The following FOXK1 variants were observed in gnomAD, a reference collection of about 807,000 sequenced individuals.
FOXK1 encodes forkhead box K1, also known as forkhead box protein K1.
A neutral mutation model predicts 51.9 loss-of-function variants in FOXK1; 19 were observed. That is an observed-to-expected ratio of 0.37 (90% CI 0.26 to 0.54). The LOEUF (loss-of-function observed/expected upper bound fraction) is 0.54, where lower values mean the gene tolerates loss of function less well. Ranked by LOEUF, FOXK1 falls within the 20% of genes least tolerant of loss-of-function variation. FOXK1 has a pLI of 0.87. For synonymous variants in FOXK1, 537 were observed against 482.6 expected, an observed-to-expected ratio of 1.11 and a Z score of -1.48; for missense variants, 870 against 1,032.7, an observed-to-expected ratio of 0.84 and a Z score of 2.16.
At position 4,711,047 on chromosome 7, in the gene FOXK1, C is replaced by T. The variant is rs912182518; in HGVS notation, c.560+28179C>T. On this transcript the variant is annotated intron_variant, in intron 1 of 8. Transcript: ENST00000328914. This position sits in a 1 kb window ranked among gnomAD's most constrained non-coding sequence, Gnocchi z 6.3. ...TGCAGAGCAGCCTGGCTTTAGAGAA[C>T]GCTTAGAGAAGATGGAGATGGATGG... Among the ~76,000 whole-genome samples the T allele has an allele frequency of 1.1e-4, 16 of 148,972 alleles. No homozygotes were observed. Among genetic ancestry groups the T allele is most frequent in the African/African-American group, 3.4e-4 (13 of 38,420 alleles).
At chr7:4,713,154 A>G (rs1360260030) in intron 1 of FOXK1, among the ~76,000 whole-genome samples, 2 of 152,198 alleles carry the variant, frequency 1.3e-5, no homozygotes, top group Non-Finnish European at 2.9e-5. Context: ...TTAATTTGCT[A>G]GTTACTTACA....
Position 4,703,666 on chromosome 7 carries a change from A to T in FOXK1, c.560+20798A>T, listed in dbSNP as rs977021872. On this transcript the variant is annotated intron_variant, in intron 1 of 8. Transcript: ENST00000328914. This position sits in a 1 kb window ranked among gnomAD's most constrained non-coding sequence, Gnocchi z 5.6. ...ATATTAAAACCAAATGATCCCGGGTAGAGCTGCAGCTGGGGACTGGTGCGC... is the reference window on the plus strand; with the variant it reads ...ATATTAAAACCAAATGATCCCGGGTTGAGCTGCAGCTGGGGACTGGTGCGC... 6.6e-6 allele frequency among the ~76,000 whole-genome samples: 1 copy of T among 152,224 alleles called. No individual in the cohort carries two copies. Among genetic ancestry groups the T allele is most frequent in the Non-Finnish European group, 1.5e-5 (1 of 68,044 alleles).
Position 4,753,570 on chromosome 7 carries a change from G to A in FOXK1, c.747-889G>A, listed in dbSNP as rs139372886. 2.8e-4 allele frequency among the ~76,000 whole-genome samples: 42 copies of A among 152,330 alleles called. No homozygotes were observed. The highest frequency in any genetic ancestry group is 8.9e-4 in the African/African-American group (37 of 41,578). On this transcript the variant is annotated intron_variant, in intron 2 of 8. Transcript: ENST00000328914. The surrounding 1 kb of genome is among the most constrained non-coding windows in gnomAD (Gnocchi z 4.9). ...TCAGGACGGGGCTAGGTGGGTGCCCGTGAGCTCAGGACAGTGGGATCTCTT... is the reference window on the plus strand; with the variant it reads ...TCAGGACGGGGCTAGGTGGGTGCCCATGAGCTCAGGACAGTGGGATCTCTT...
In FOXK1 at chr7:4,703,694, T is replaced by C. The variant is rs1780048078; in HGVS notation, c.560+20826T>C. Among the ~76,000 whole-genome samples the C allele has an allele frequency of 6.6e-6, 1 of 152,196 alleles. No homozygotes were observed. The highest frequency in any genetic ancestry group is 1.5e-5 in the Non-Finnish European group (1 of 68,026). Reference sequence around the variant, plus strand: ...GCTGCAGCTGGGGACTGGTGCGCCATGCAATTGACATAGCGCTGCTCGGGC... The same window carrying C: ...GCTGCAGCTGGGGACTGGTGCGCCACGCAATTGACATAGCGCTGCTCGGGC... On this transcript the variant is annotated intron_variant, in intron 1 of 8. Transcript: ENST00000328914. The surrounding 1 kb of genome is among the most constrained non-coding windows in gnomAD (Gnocchi z 5.6).
In FOXK1 at chr7:4,768,790, C is replaced by G. The variant is rs934377526; in HGVS notation, c.*6326C>G. ...GAGGATTCGTCTCTGACTGATGAACCTCGCCGTGCCTGTCTGTCACATCCA... is the reference window on the plus strand; with the variant it reads ...GAGGATTCGTCTCTGACTGATGAACGTCGCCGTGCCTGTCTGTCACATCCA... On this transcript the variant is annotated 3_prime_UTR_variant, in exon 9 of 9. Coordinates refer to ENST00000328914, the MANE Select transcript of FOXK1 (RefSeq NM_001037165.2). 6.6e-6 allele frequency: 1 copy of G among 152,252 alleles called. No homozygotes were observed. The highest frequency in any genetic ancestry group is 1.5e-5 in the Non-Finnish European group (1 of 68,084). The allele number at this position is 152,252 out of a possible 1,614,324, so 9.4% of individuals were successfully genotyped here.
At position 4,741,046 on chromosome 7, in the gene FOXK1, C is replaced by T. The variant is rs767336618; in HGVS notation, c.746+23C>T. 2.7e-6 allele frequency: 4 copies of T among 1,472,640 alleles called. 1 individual carries two copies. In the South Asian group the frequency reaches 4.1e-5, roughly 15 times the overall value. 91.2% of individuals were successfully genotyped at this position (1,472,640 alleles called of 1,614,324 possible). A position where few individuals can be genotyped will look rare whatever the true frequency, so the allele number is the denominator to read the frequency against. On this transcript the variant is annotated intron_variant, in intron 2 of 8. Transcript: ENST00000328914. The stretch of plus-strand genomic sequence containing the variant: ...CAGGTGAGTAGCCCCCCAGCCTGCC[C>T]TTGGGCCCCCAGGAGAGAGGGGGAT...
At chr7:4,754,814 T>C in intron 3 of FOXK1, 199 bp downstream of exon 3, 1 of 706,962 alleles carries the variant, frequency 1.4e-6, no homozygotes, top group Non-Finnish European at 2.3e-6. Flanking sequence ...CCGTTGGTCA[T>C]TTGCTGGTGA....
intron 1 of FOXK1, among the ~76,000 whole-genome samples, chr7:4,716,115 G>C (rs1030968892): frequency 6.6e-6 from 1 of 152,036 alleles, no homozygotes; most frequent in African/African-American, 2.4e-5. Context: ...CAGCTACCTG[G>C]GAGGCTGAGG....
chr7:4,717,861 G>C (rs377399262), intron 1 of FOXK1, among the ~76,000 whole-genome samples: 1 of 152,206 alleles, frequency 6.6e-6, no homozygotes, highest in African/African-American at 2.4e-5. Flanking sequence ...TGTGTTGCCC[G>C]CGTCTTTGGG....
Position 4,758,318 on chromosome 7 carries a change from G to A in FOXK1, c.1245-733G>A, listed in dbSNP as rs1034511450. 1.3e-5 allele frequency: 2 copies of A among 152,410 alleles called. No individual in the cohort carries two copies. The highest frequency in any genetic ancestry group is 2.4e-5 in the African/African-American group (1 of 41,580). 9.4% of individuals were successfully genotyped at this position (152,410 alleles called of 1,614,324 possible). ...CCCAGCTCAGTCTTGGCCAAGCCCAGTCTGGAGGAGCATGCACCGCCTGTG... is the reference window on the plus strand; with the variant it reads ...CCCAGCTCAGTCTTGGCCAAGCCCAATCTGGAGGAGCATGCACCGCCTGTG... On this transcript the variant is annotated intron_variant, in intron 5 of 8. Transcript: ENST00000328914. The surrounding 1 kb of genome is among the most constrained non-coding windows in gnomAD (Gnocchi z 4.4).
intron 1 of FOXK1, among the ~76,000 whole-genome samples, chr7:4,740,326 A>G (rs1044988788): frequency 1.2e-4 from 18 of 152,034 alleles, no homozygotes; most frequent in Non-Finnish European, 2.4e-4. Flanking sequence ...GCTACTCGGG[A>G]GGCTGAGGCA....
chr7:4,689,885 T>C (rs1197822151), intron 1 of FOXK1, among the ~76,000 whole-genome samples: 2 of 152,018 alleles, frequency 1.3e-5, no homozygotes, highest in Non-Finnish European at 2.9e-5. Context: ...AGCGCCTGGG[T>C]GGGTCACGCT....
At chr7:4,719,130 T>C in intron 1 of FOXK1, among the ~76,000 whole-genome samples, 1 of 131,060 alleles carries the variant, frequency 7.6e-6, no homozygotes, top group South Asian at 2.5e-4. Flanking sequence ...GTTTTTTTTT[T>C]GTTTGTTTTG....
At chr7:4,698,045 G>A (rs949767035) in intron 1 of FOXK1, among the ~76,000 whole-genome samples, 26 of 152,006 alleles carry the variant, frequency 1.7e-4, no homozygotes, top group Admixed American at 9.2e-4. Flanking sequence ...GGCTGGCCTT[G>A]AACTCCTGAC....
chr7:4,724,788 G>A (rs927581906), intron 1 of FOXK1, among the ~76,000 whole-genome samples: 1 of 152,340 alleles, frequency 6.6e-6, no homozygotes, highest in Non-Finnish European at 1.5e-5. Context: ...TTCCAGAGGG[G>A]AGAGAGGAGG....
chr7:4,768,408 AGGCGTG>A lies in FOXK1; in HGVS notation c.*5945_*5950del, dbSNP rs1781048460. 2 of 138,300 alleles carry A rather than the reference AGGCGTG, an allele frequency of 1.4e-5. 1 individual carries two copies. Among genetic ancestry groups the A allele is most frequent in the African/African-American group, 6.9e-5 (2 of 29,190 alleles). 8.6% of individuals were successfully genotyped at this position (138,300 alleles called of 1,614,324 possible). On this transcript the variant is annotated 3_prime_UTR_variant, in exon 9 of 9. Coordinates refer to ENST00000328914, the MANE Select transcript of FOXK1 (RefSeq NM_001037165.2). Reference sequence around the variant, plus strand: ...CGGCCTCCCAAAGTGCTGGGATTACAGGCGTGAGCCACCGCGCCCGGCCCACTGACT... The same window carrying A: ...CGGCCTCCCAAAGTGCTGGGATTACAAGCCACCGCGCCCGGCCCACTGACT...
intron 1 of FOXK1, among the ~76,000 whole-genome samples, chr7:4,718,035 G>A (rs1780258219): frequency 6.6e-6 from 1 of 152,188 alleles, no homozygotes; most frequent in Non-Finnish European, 1.5e-5. Context: ...GGAAAGTGGG[G>A]GTCGCTGCCT....
At chr7:4,720,296 T>A (rs1388734970) in intron 1 of FOXK1, among the ~76,000 whole-genome samples, 1 of 146,722 alleles carries the variant, frequency 6.8e-6, no homozygotes, top group Non-Finnish European at 1.5e-5. Flanking sequence ...CTCATCTGCT[T>A]TCTGTTCTTC....
chr7:4,719,851 T>C (rs537418483), intron 1 of FOXK1, among the ~76,000 whole-genome samples: 23 of 152,270 alleles, frequency 1.5e-4, no homozygotes, highest in African/African-American at 5.5e-4. Flanking sequence ...CCTCCTCGTG[T>C]GTTTTGTCCT....
Sources: allele counts gnomAD v4.1 joint callset (sites outside exome capture counted in the v4.1 genomes callset), GRCh38; gene constraint gnomAD v4.1.1; non-coding constraint Gnocchi (gnomAD v3.1); transcripts MANE v1.5; gene names NCBI Gene and HGNC (gene_info 2026-07-23, HGNC 2026-07-21).